OCA2: variants seen among roughly 807,000 people sequenced by gnomAD.
OCA2 encodes P protein.
A neutral mutation model predicts 100.2 loss-of-function variants in OCA2; 77 were observed. The observed-to-expected ratio is 0.77, with a 90% CI of 0.64 to 0.93. The LOEUF (loss-of-function observed/expected upper bound fraction) is 0.93, where lower values mean the gene tolerates loss of function less well. Ranked by LOEUF, OCA2 falls within the 40% of genes least tolerant of loss-of-function variation. The pLI is 0.00. For synonymous variants in OCA2, 432 were observed against 439.2 expected (o/e 0.98, Z 0.21); for missense variants, 1,062 against 1,089.1 (o/e 0.98, Z 0.35).
intron 2 of OCA2, among the ~76,000 whole-genome samples, chr15:28,079,664 G>T (rs2044553159): frequency 1.3e-5 from 2 of 152,190 alleles, no homozygotes; most frequent in Non-Finnish European, 2.9e-5. Context: ...GGGAGGTGTG[G>T]CTCACTCATG....
chr15:27,758,434 C>T (rs575116406), intron 23 of OCA2, among the ~76,000 whole-genome samples: 1 of 152,342 alleles, frequency 6.6e-6, no homozygotes, highest in East Asian at 1.9e-4. Context: ...CCTGTGGTAA[C>T]AGCAGAGACC....
intron 15 of OCA2, among the ~76,000 whole-genome samples, chr15:27,966,079 T>A (rs1031083962): frequency 5.9e-5 from 9 of 152,228 alleles, no homozygotes; most frequent in Non-Finnish European, 1.0e-4. Context: ...CAAGCAATTC[T>A]CCTGCCTCAG....
intron 21 of OCA2, among the ~76,000 whole-genome samples, chr15:27,861,091 G>A (rs573610902): frequency 7.9e-5 from 12 of 152,326 alleles, no homozygotes; most frequent in African/African-American, 2.9e-4. Flanking sequence ...TGTGACAGCA[G>A]GAGGGCATGT....
At chr15:27,745,475 G>A in the OCA2 span, among the ~76,000 whole-genome samples, 3 of 152,112 alleles carry the variant, frequency 2.0e-5, no homozygotes, top group African/African-American at 4.8e-5. Context: ...TCCCTTAACC[G>A]TAAACCTCTA....
intron 23 of OCA2, among the ~76,000 whole-genome samples, chr15:27,772,167 C>T (rs2031918332): frequency 1.3e-5 from 2 of 152,194 alleles, no homozygotes; most frequent in South Asian, 4.1e-4. Context: ...ACTAGCCAAC[C>T]TCTCTGGGCC....
chr15:28,028,521 C>T (rs1261736283), intron 3 of OCA2, among the ~76,000 whole-genome samples: 1 of 151,924 alleles, frequency 6.6e-6, no homozygotes, highest in Non-Finnish European at 1.5e-5. Flanking sequence ...CCTGGCTTCC[C>T]ACACAACATC....
At chr15:28,007,587 G>C (rs1190652405) in intron 9 of OCA2, among the ~76,000 whole-genome samples, 1 of 152,074 alleles carries the variant, frequency 6.6e-6, no homozygotes, top group Non-Finnish European at 1.5e-5. Flanking sequence ...AAAATTAGCC[G>C]GGGGTGGTGT....
At chr15:27,977,993 T>C (rs2041024931) in intron 14 of OCA2, among the ~76,000 whole-genome samples, 1 of 152,218 alleles carries the variant, frequency 6.6e-6, no homozygotes, top group African/African-American at 2.4e-5. Flanking sequence ...TATTTGGTTA[T>C]CGCATTCCAA....
In OCA2 at chr15:27,957,629, T is replaced by C; in HGVS notation, c.1743A>G (p.Ala581=). Residue 581 remains alanine, a synonymous_variant, in exon 16 of 24, where the codon GCA becomes GCG. Coordinates refer to ENST00000354638, the MANE Select transcript of OCA2 (RefSeq NM_000275.3). The surrounding 1 kb of genome is among the most constrained non-coding windows in gnomAD (Gnocchi z 4.3). ...GCCTCCGGGCGAGCAGGTGCTCCAG[T>C]GCCAGCACCTTCCCCAGCAGCAGGC... ...VRRLLLGKVL[A]LEHLLARRLH... is the part of the protein sequence containing the mutation. 1.9e-6 allele frequency: 3 copies of C among 1,612,988 alleles called. No individual in the cohort carries two copies. The highest frequency in any genetic ancestry group is 8.5e-7 in the Non-Finnish European group (1 of 1,179,966).
At chr15:27,994,514 C>T (rs558675626) in intron 9 of OCA2, among the ~76,000 whole-genome samples, 5 of 152,308 alleles carry the variant, frequency 3.3e-5, no homozygotes, top group Admixed American at 3.3e-4. Flanking sequence ...CCTAGCTTCC[C>T]AGGCATCGCC....
the OCA2 span, among the ~76,000 whole-genome samples, chr15:27,737,529 A>G: frequency 6.6e-6 from 1 of 152,174 alleles, no homozygotes; most frequent in African/African-American, 2.4e-5. Context: ...TGAAAAGTCA[A>G]CTGAATATCC....
At chr15:27,874,768 G>C (rs1321918288) in intron 19 of OCA2, among the ~76,000 whole-genome samples, 1 of 152,102 alleles carries the variant, frequency 6.6e-6, no homozygotes, top group Admixed American at 6.5e-5. Flanking sequence ...AAAAGAGTGA[G>C]TATATAACTG....
chr15:28,050,426 T>C (rs1341288253), intron 2 of OCA2, among the ~76,000 whole-genome samples: 1 of 151,884 alleles, frequency 6.6e-6, no homozygotes, highest in Non-Finnish European at 1.5e-5. Context: ...CCAGCAATAG[T>C]GGCAGGCGTC....
chr15:27,775,032 C>T (rs1405832874), intron 23 of OCA2, among the ~76,000 whole-genome samples: 2 of 143,448 alleles, frequency 1.4e-5, no homozygotes, highest in Non-Finnish European at 3.1e-5. Flanking sequence ...ATATTCTCTC[C>T]AGTCACTTGC....
At chr15:28,034,190 A>T (rs2042985551) in intron 2 of OCA2, among the ~76,000 whole-genome samples, 1 of 152,106 alleles carries the variant, frequency 6.6e-6, no homozygotes, top group African/African-American at 2.4e-5. Flanking sequence ...TACTTGGAAG[A>T]CTGAGGTGGG....
chr15:27,955,354 C>A, intron 16 of OCA2, 139 bp from the exon 17 acceptor site: 1 of 729,138 alleles, frequency 1.4e-6, no homozygotes, highest in Non-Finnish European at 2.5e-6. Flanking sequence ...CATGGGGGGC[C>A]GGTGGGGCTT....
At chr15:28,034,411 G>C (rs1345204649) in intron 2 of OCA2, among the ~76,000 whole-genome samples, 5 of 152,172 alleles carry the variant, frequency 3.3e-5, no homozygotes, top group African/African-American at 1.2e-4. Context: ...CTTAAGAATG[G>C]CTGCCATGTT....
intron 21 of OCA2, among the ~76,000 whole-genome samples, chr15:27,864,845 A>G (rs762529408): frequency 7.2e-5 from 11 of 152,038 alleles, no homozygotes; most frequent in Non-Finnish European, 1.2e-4. Flanking sequence ...CTCAGTCATT[A>G]TGCTGTTTCT....
At chr15:27,965,537 T>C (rs2040536724) in intron 15 of OCA2, among the ~76,000 whole-genome samples, 1 of 152,204 alleles carries the variant, frequency 6.6e-6, no homozygotes, top group Non-Finnish European at 1.5e-5. Flanking sequence ...TCGGAGGAAC[T>C]GGAGTATGGC....
Sources: gnomAD v4.1 joint callset for allele counts (sites outside exome capture counted in the v4.1 genomes callset) on GRCh38, gnomAD v4.1.1 for gene constraint, Gnocchi (gnomAD v3.1) non-coding constraint, MANE v1.5 for transcripts, NCBI Gene and HGNC (gene_info 2026-07-23, HGNC 2026-07-21) for gene names.